Variants in TENM2 observed in about 807,000 individuals in gnomAD.
TENM2 encodes the protein teneurin-2.
A neutral mutation model predicts 245.2 loss-of-function variants in TENM2; 52 were observed. The observed-to-expected ratio is 0.21, with a 90% CI of 0.17 to 0.27. The LOEUF is 0.27. Among genes scored for constraint, TENM2 ranks in the 10% least tolerant of loss-of-function variants. The pLI is 1.00. For missense variants in TENM2, 3,046 were observed against 3,666.8 expected (o/e 0.83, Z 4.37); for synonymous variants, 1,363 against 1,438.9 (o/e 0.95, Z 1.19).
At chr5:167,701,402 T>G (rs1031345008) in intron 2 of TENM2, among the ~76,000 whole-genome samples, 3 of 152,046 alleles carry the variant, frequency 2.0e-5, no homozygotes, top group South Asian at 2.1e-4. Context: ...TGTTTGTTTT[T>G]TTTTTTTACA....
At chr5:167,850,089 C>G (rs1770436573) in intron 2 of TENM2, among the ~76,000 whole-genome samples, 1 of 152,146 alleles carries the variant, frequency 6.6e-6, no homozygotes. Flanking sequence ...CTTCTGGTGA[C>G]CAGCCCCCAC....
intron 2 of TENM2, among the ~76,000 whole-genome samples, chr5:167,459,703 TTAAAG>T (rs1350515364): frequency 6.6e-6 from 1 of 152,194 alleles, no homozygotes; most frequent in South Asian, 2.1e-4. Context: ...AAAATTTTCT[TTAAAG>T]TAGCCATCCC....
At chr5:167,505,080 T>C (rs1459395455) in intron 2 of TENM2, among the ~76,000 whole-genome samples, 1 of 152,200 alleles carries the variant, frequency 6.6e-6, no homozygotes, top group South Asian at 2.1e-4. Flanking sequence ...TTGGCGGGGA[T>C]GGATTGTATC....
the TENM2 span, among the ~76,000 whole-genome samples, chr5:167,132,788 T>C: frequency 1.3e-5 from 2 of 152,144 alleles, no homozygotes; most frequent in African/African-American, 4.8e-5. Flanking sequence ...GAATATAAAG[T>C]TCACATGAAT....
chr5:167,257,535 AC>A, the TENM2 span, among the ~76,000 whole-genome samples: 1 of 152,202 alleles, frequency 6.6e-6, no homozygotes, highest in Non-Finnish European at 1.5e-5. Context: ...AATAAGATGA[AC>A]CTAATATTTT....
the TENM2 span, among the ~76,000 whole-genome samples, chr5:167,135,062 GC>G: frequency 6.6e-6 from 1 of 152,178 alleles, no homozygotes; most frequent in Non-Finnish European, 1.5e-5. Flanking sequence ...CGTCATCAGA[GC>G]TGTGCTGGGG....
the TENM2 span, among the ~76,000 whole-genome samples, chr5:167,248,542 C>T: frequency 1.0e-3 from 154 of 152,190 alleles, no homozygotes; most frequent in African/African-American, 3.6e-3. Flanking sequence ...ACTTTGAAAA[C>T]GCTAGAGGAA....
At chr5:167,227,303 G>A in the TENM2 span, among the ~76,000 whole-genome samples, 1 of 151,838 alleles carries the variant, frequency 6.6e-6, no homozygotes, top group African/African-American at 2.4e-5. Flanking sequence ...TTTTTGTAGT[G>A]GTACCATTTG....
chr5:168,097,882 C>A, intron 8 of TENM2, 144 bp from the exon 11 acceptor site: 1 of 631,692 alleles, frequency 1.6e-6, no homozygotes, highest in Admixed American at 2.4e-5. Context: ...TCTTCCTTCA[C>A]TCATTCATAT....
At chr5:167,092,233 C>T in the TENM2 span, among the ~76,000 whole-genome samples, 3 of 152,192 alleles carry the variant, frequency 2.0e-5, no homozygotes, top group Middle Eastern at 3.4e-3. Context: ...TAAAATGTTA[C>T]TGTCCATAAA....
chr5:167,779,487 A>G (rs1764037154), intron 2 of TENM2, among the ~76,000 whole-genome samples: 1 of 152,206 alleles, frequency 6.6e-6, no homozygotes, highest in South Asian at 2.1e-4. Context: ...TGAGATCCCA[A>G]AATGCACTTC....
chr5:167,568,293 A>G (rs924385884), intron 2 of TENM2, among the ~76,000 whole-genome samples: 30 of 152,162 alleles, frequency 2.0e-4, no homozygotes, highest in African/African-American at 7.0e-4. Flanking sequence ...CCTTCCATGC[A>G]AAAGGAAAAC....
chr5:168,212,686 A>G (rs547504934), intron 20 of TENM2, among the ~76,000 whole-genome samples: 1 of 152,316 alleles, frequency 6.6e-6, no homozygotes, highest in East Asian at 1.9e-4. Flanking sequence ...AGGCACCCCA[A>G]AATTGGCCTG....
chr5:167,877,429 G>A (rs7443761), intron 3 of TENM2, among the ~76,000 whole-genome samples: 110,120 of 152,118 alleles, frequency 0.72, 42,575 homozygotes, highest in East Asian at 0.98. Flanking sequence ...TCTCTCATCA[G>A]ATGAGCAATC....
intron 2 of TENM2, among the ~76,000 whole-genome samples, chr5:167,855,201 G>A (rs1332183015): frequency 6.6e-6 from 1 of 152,028 alleles, no homozygotes; most frequent in African/African-American, 2.4e-5. Flanking sequence ...CTGTGTTGGT[G>A]CTATTTCTTG....
intron 2 of TENM2, among the ~76,000 whole-genome samples, chr5:167,764,103 T>C (rs1325142756): frequency 6.6e-6 from 1 of 152,002 alleles, no homozygotes; most frequent in East Asian, 1.9e-4. Context: ...TGCTGAAAAA[T>C]TCTCAACTTA....
intron 2 of TENM2, among the ~76,000 whole-genome samples, chr5:167,385,856 A>ATATGTGTG (rs1554142663): frequency 7.2e-6 from 1 of 139,060 alleles, no homozygotes; most frequent in Admixed American, 7.3e-5. Flanking sequence ...TTATATATAT[A>ATATGTGTG]TGTGTGTGTG....
chr5:167,764,090 A>T (rs1438707903), intron 2 of TENM2, among the ~76,000 whole-genome samples: 2 of 152,110 alleles, frequency 1.3e-5, no homozygotes, highest in Non-Finnish European at 2.9e-5. Flanking sequence ...GCAGACAGGG[A>T]GATGCTGAAA....
At chr5:167,510,624 AAAAG>A (rs1032274600) in intron 2 of TENM2, among the ~76,000 whole-genome samples, 20 of 151,014 alleles carry the variant, frequency 1.3e-4, no homozygotes, top group Non-Finnish European at 2.2e-4. Flanking sequence ...GGAAGGAAGG[AAAAG>A]AAAGAAAGGA....
Sources: allele counts gnomAD v4.1 joint callset (sites outside exome capture counted in the v4.1 genomes callset), GRCh38; gene constraint gnomAD v4.1.1; transcripts MANE v1.5; gene names NCBI Gene and HGNC (gene_info 2026-07-23, HGNC 2026-07-21).